The following WWOX variants were observed in gnomAD, a reference collection of about 807,000 sequenced individuals.
WWOX encodes WW domain containing oxidoreductase.
Under a neutral mutation model 46.2 loss-of-function variants are expected in WWOX, and 69 were observed. The observed-to-expected ratio is 1.49, with a 90% CI of 1.23 to 1.82. WWOX has a LOEUF of 1.82. WWOX is among the 40% of genes most tolerant of loss of function. The pLI, the probability that WWOX is intolerant of heterozygous loss-of-function variation, is 0.00. For missense variants in WWOX, 919 were observed against 542.6 expected, an observed-to-expected ratio of 1.69 and a Z score of -6.89; for synonymous variants, 359 against 202.6, an observed-to-expected ratio of 1.77 and a Z score of -6.56.
chr16:78,876,104 T>C (rs1377228326), intron 8 of WWOX, among the ~76,000 whole-genome samples: 1 of 152,218 alleles, frequency 6.6e-6, no homozygotes, highest in African/African-American at 2.4e-5. Flanking sequence ...ACTCTAGATA[T>C]TTCAACTAGT....
intron 8 of WWOX, among the ~76,000 whole-genome samples, chr16:79,193,746 T>C (rs1383582063): frequency 2.0e-5 from 3 of 152,168 alleles, no homozygotes; most frequent in Non-Finnish European, 4.4e-5. Flanking sequence ...AAAAACAATT[T>C]AGGATACCTG....
At chr16:78,148,266 A>T (rs1029283282) in intron 4 of WWOX, among the ~76,000 whole-genome samples, 2 of 152,194 alleles carry the variant, frequency 1.3e-5, no homozygotes, top group Non-Finnish European at 2.9e-5. Context: ...TGAGTACAGA[A>T]TTATACGAAG....
intron 5 of WWOX, among the ~76,000 whole-genome samples, chr16:78,370,067 G>C (rs1245049929): frequency 7.3e-6 from 1 of 136,514 alleles, no homozygotes. Flanking sequence ...GGGAGCTGGA[G>C]CTTGCAGCCA....
intron 8 of WWOX, among the ~76,000 whole-genome samples, chr16:79,144,256 C>G (rs1261186166): frequency 6.6e-6 from 1 of 152,184 alleles, no homozygotes; most frequent in Non-Finnish European, 1.5e-5. Flanking sequence ...CTCCAATCCC[C>G]CAGCTGTGTG....
intron 5 of WWOX, among the ~76,000 whole-genome samples, chr16:78,254,851 C>T (rs2038084145): frequency 6.6e-6 from 1 of 152,162 alleles, no homozygotes; most frequent in South Asian, 2.1e-4. Flanking sequence ...TAAGAGCCCT[C>T]TTGGGGCTCT....
chr16:78,575,133 G>A (rs1234490283), intron 8 of WWOX, among the ~76,000 whole-genome samples: 3 of 106,000 alleles, frequency 2.8e-5, no homozygotes, highest in Non-Finnish European at 3.9e-5. Flanking sequence ...GTTAAAATAC[G>A]AAGATTTTTG....
chr16:79,126,662 G>T (rs952454065), intron 8 of WWOX, among the ~76,000 whole-genome samples: 4 of 152,314 alleles, frequency 2.6e-5, no homozygotes, highest in East Asian at 3.9e-4. Flanking sequence ...GTGTAGCAGT[G>T]TAAGAACAGA....
chr16:78,793,665 T>G (rs2050666390), intron 8 of WWOX, among the ~76,000 whole-genome samples: 1 of 152,214 alleles, frequency 6.6e-6, no homozygotes, highest in Non-Finnish European at 1.5e-5. Context: ...TTCAGACTAT[T>G]CAGCCATTAT....
intron 5 of WWOX, among the ~76,000 whole-genome samples, chr16:78,223,064 G>T (rs1457281610): frequency 6.6e-6 from 1 of 152,182 alleles, no homozygotes; most frequent in African/African-American, 2.4e-5. Context: ...TCCTGCCCAA[G>T]AAGTGTCCTT....
intron 8 of WWOX, among the ~76,000 whole-genome samples, chr16:78,472,961 C>G (rs1014467450): frequency 6.6e-6 from 1 of 152,108 alleles, no homozygotes; most frequent in Non-Finnish European, 1.5e-5. Flanking sequence ...GCCCTTGGGC[C>G]AAATCTGATC....
intron 8 of WWOX, among the ~76,000 whole-genome samples, chr16:78,845,115 C>CT (rs55787116): frequency 0.65 from 96,043 of 147,410 alleles, 31,660 homozygotes; most frequent in Middle Eastern, 0.72. Flanking sequence ...CATTCATGCA[C>CT]TTTTTTTATC....
intron 8 of WWOX, among the ~76,000 whole-genome samples, chr16:79,025,949 T>C (rs2047631985): frequency 6.7e-6 from 1 of 148,680 alleles, no homozygotes; most frequent in Non-Finnish European, 1.5e-5. Context: ...TAGGTGCCTA[T>C]CACCACGCCG....
chr16:78,899,992 C>A (rs2044788988), intron 8 of WWOX, among the ~76,000 whole-genome samples: 1 of 148,946 alleles, frequency 6.7e-6, no homozygotes. Context: ...AAATTCAGGA[C>A]TTTAAGCTTA....
intron 8 of WWOX, among the ~76,000 whole-genome samples, chr16:78,693,110 A>G (rs1037739008): frequency 6.6e-6 from 1 of 152,230 alleles, no homozygotes; most frequent in Admixed American, 6.5e-5. Context: ...GTTCAGCAAG[A>G]TGCTTGTAAA....
intron 8 of WWOX, among the ~76,000 whole-genome samples, chr16:78,869,295 G>A (rs773943574): frequency 6.6e-6 from 1 of 152,150 alleles, no homozygotes; most frequent in Non-Finnish European, 1.5e-5. Context: ...GGGGATCAAG[G>A]AAAGTCCGAG....
chr16:78,617,402 CAAA>C (rs33977792), intron 8 of WWOX, among the ~76,000 whole-genome samples: 28,906 of 134,206 alleles, frequency 0.22, 3,108 homozygotes, highest in African/African-American at 0.31. Flanking sequence ...ACCTTGTATC[CAAA>C]AAAAAAAAAA....
rs919994692 is a variant in WWOX, at chr16:78,323,976, G to C, written c.517-62884G>C. 7.2e-5 allele frequency among the ~76,000 whole-genome samples: 11 copies of C among 152,078 alleles called. 1 individual carries two copies. Among genetic ancestry groups the C allele is most frequent in the Admixed American group, 5.9e-4 (9 of 15,266 alleles). On this transcript the variant is annotated intron_variant, in intron 5 of 8. Coordinates refer to ENST00000566780, the MANE Select transcript of WWOX (RefSeq NM_016373.4). Reference sequence around the variant, plus strand: ...GCTGGGCACTGTGCTAGGCATTTTTGGATGCATTTTCCTCCTCCAACTTCA... The same window carrying C: ...GCTGGGCACTGTGCTAGGCATTTTTCGATGCATTTTCCTCCTCCAACTTCA...
intron 8 of WWOX, among the ~76,000 whole-genome samples, chr16:79,129,157 G>C (rs939426183): frequency 6.6e-6 from 1 of 151,956 alleles, no homozygotes; most frequent in African/African-American, 2.4e-5. Flanking sequence ...AGTAGGCACT[G>C]TTCAAGCATT....
Position 78,594,557 on chromosome 16 carries a change from A to C in WWOX, c.1056+161805A>C, listed in dbSNP as rs577201032. ...GAAAAGTCTCAATCACCTGGCTCAA[A>C]CTCATAGTTTTCAGGTGGCATAAGC... On this transcript the variant is annotated intron_variant, in intron 8 of 8. Transcript: ENST00000566780. Among the ~76,000 whole-genome samples, 9 of 149,914 alleles carry C rather than the reference A, an allele frequency of 6.0e-5. No individual in the cohort carries two copies. The South Asian group carries it at 1.5e-3, about 25-fold the overall frequency.
Sources: gnomAD v4.1 joint callset for allele counts (sites outside exome capture counted in the v4.1 genomes callset) on GRCh38, gnomAD v4.1.1 for gene constraint, MANE v1.5 for transcripts, NCBI Gene and HGNC (gene_info 2026-07-23, HGNC 2026-07-21) for gene names.